Variants in TNFRSF25 observed in about 807,000 individuals in gnomAD.
TNFRSF25 encodes the protein tumor necrosis factor receptor superfamily member 25.
TNFRSF25 carries 28 observed loss-of-function variants against 49.4 expected under a neutral mutation model. The ratio of observed to expected loss-of-function variants is 0.57; its 90% CI spans 0.42 to 0.78. The LOEUF (loss-of-function observed/expected upper bound fraction) is 0.78, where lower values mean the gene tolerates loss of function less well. TNFRSF25 is among the 30% of genes least tolerant of loss of function. The probability of loss-of-function intolerance (pLI) is 0.00; values close to 1 mark genes in which losing one functional copy is unlikely to be tolerated. For missense variants in TNFRSF25, 531 were observed against 581.6 expected (o/e 0.91, Z 0.90); for synonymous variants, 240 against 234.2 (o/e 1.02, Z -0.23).
At chr1:6,465,871 G>T in intron 1 of TNFRSF25, 198 bp downstream of exon 1, 1 of 1,420,202 alleles carries the variant, frequency 7.0e-7, no homozygotes, top group Non-Finnish European at 9.2e-7. Flanking sequence ...TCTGCCTGGG[G>T]CCCCCAGACC....
In TNFRSF25 at chr1:6,462,711, C is replaced by G. The variant is rs777453140; in HGVS notation, c.707-45G>C. The G allele has an allele frequency of 6.2e-7, 1 of 1,607,670 alleles. No individual in the cohort carries two copies. The highest frequency in any genetic ancestry group is 1.1e-5 in the South Asian group (1 of 89,836). ...TGCGGTCAGCCACCAGGCAAGCCTCCTGGACCTGGGTGCTGGTACAGCTCC... is the reference window on the plus strand; with the variant it reads ...TGCGGTCAGCCACCAGGCAAGCCTCGTGGACCTGGGTGCTGGTACAGCTCC... On this transcript the variant is annotated intron_variant, in intron 7 of 9. Coordinates refer to ENST00000356876, the MANE Select transcript of TNFRSF25 (RefSeq NM_003790.3). The surrounding 1 kb of genome is among the most constrained non-coding windows in gnomAD (Gnocchi z 4.2).
chr1:6,464,938 C>G, intron 3 of TNFRSF25, 150 bp downstream of exon 3: 1 of 1,318,734 alleles, frequency 7.6e-7, no homozygotes, highest in Non-Finnish European at 1.0e-6. Context: ...AGAGAAGGGG[C>G]AAGGGCACCC....
At chr1:6,464,984 T>A (rs1011033285) in intron 3 of TNFRSF25, 104 bp downstream of exon 3, 108 of 1,484,046 alleles carry the variant, frequency 7.3e-5, no homozygotes, top group Non-Finnish European at 8.7e-5. Context: ...CTGGCAAGGG[T>A]GGGTGCAGGA....
At chr1:6,463,027 G>A (rs765819693) in intron 6 of TNFRSF25, 45 bp downstream of exon 6, 97 of 1,553,408 alleles carry the variant, frequency 6.2e-5, no homozygotes, top group Middle Eastern at 1.7e-4. Flanking sequence ...GCCTCCCCTC[G>A]GTCCATCCCA....
chr1:6,461,723 G>T lies in TNFRSF25; in HGVS notation c.965C>A (p.Ala322Asp). 1 of 1,552,244 alleles carries T rather than the reference G, an allele frequency of 6.4e-7. No homozygotes were observed. Among genetic ancestry groups the T allele is most frequent in the Non-Finnish European group, 8.7e-7 (1 of 1,154,922 alleles). Residue 322 changes from alanine (A) to aspartate (D), a missense_variant, in exon 10 of 10, where the codon GCC becomes GAC. Coordinates refer to ENST00000356876, the MANE Select transcript of TNFRSF25 (RefSeq NM_003790.3). This position sits in a 1 kb window ranked among gnomAD's most constrained non-coding sequence, Gnocchi z 6.3. ...CTGCAGCATCATGGCTGGCGAGCCG[G>T]CTGGGGACTCTGGCGAGAGTGTGGG... is the stretch of plus-strand genomic sequence containing the variant. ...AAPTLSPESPAGSPAMMLQPG... is the reference protein window; with the variant it reads ...AAPTLSPESPDGSPAMMLQPG...
Position 6,461,185 on chromosome 1 carries a change from A to G in TNFRSF25, c.*249T>C. On this transcript the variant is annotated 3_prime_UTR_variant, in exon 10 of 10. Coordinates refer to ENST00000356876, the MANE Select transcript of TNFRSF25 (RefSeq NM_003790.3). This position sits in a 1 kb window ranked among gnomAD's most constrained non-coding sequence, Gnocchi z 6.3. Reference sequence around the variant, plus strand: ...TGTTTTGTTTTCTTTCACAGATTTAATACCGCGATCTCAGCCAAACTCCGG... The same window carrying G: ...TGTTTTGTTTTCTTTCACAGATTTAGTACCGCGATCTCAGCCAAACTCCGG... 1 of 711,954 alleles carries G rather than the reference A, an allele frequency of 1.4e-6. No homozygotes were observed. Among genetic ancestry groups the G allele is most frequent in the Non-Finnish European group, 2.6e-6 (1 of 382,986 alleles). The allele number at this position is 711,954 out of a possible 1,614,324, so 44.1% of individuals were successfully genotyped here.
At position 6,464,079 on chromosome 1, in the gene TNFRSF25, T is replaced by C. The variant is rs1644260488; in HGVS notation, c.542+296A>G. ...TCCTTCAGCCCAAGTTTTAAAGCTA[T>C]ATCAATGTGACTCTCTGTGTAAGTG... On this transcript the variant is annotated intron_variant, in intron 5 of 9. Coordinates refer to ENST00000356876, the MANE Select transcript of TNFRSF25 (RefSeq NM_003790.3). 5.6e-6 allele frequency: 7 copies of C among 1,255,564 alleles called. No individual in the cohort carries two copies. In the Admixed American group the frequency reaches 1.1e-4, roughly 19 times the overall value. The allele number at this position is 1,255,564 out of a possible 1,614,324, so 77.8% of individuals were successfully genotyped here.
In TNFRSF25 at chr1:6,465,121, C is replaced by T. The variant is rs1186336767; in HGVS notation, c.262G>A (p.Glu88Lys). ...FLAWENHHNS[E>K]CARCQACDEQ... ...TCACAGGCCTGGCAGCGGGCACATT[C>T]AGAATTATGGTGGTTCTCCCAGGCC... The change falls in exon 3 of 10, where the codon GAA becomes AAA. Residue 88 changes from glutamate (E) to lysine (K), a missense_variant. By Grantham distance (56) the Glu-to-Lys change is moderately conservative (BLOSUM62 1). Transcript: ENST00000356876. 2 of 1,613,888 alleles carry T rather than the reference C, an allele frequency of 1.2e-6. No individual in the cohort carries two copies. Among genetic ancestry groups the T allele is most frequent in the Non-Finnish European group, 8.5e-7 (1 of 1,179,968 alleles).
At position 6,461,736 on chromosome 1, in the gene TNFRSF25, G is replaced by C. The variant is rs930755595; in HGVS notation, c.952C>G (p.Pro318Ala). Reference protein sequence around the residue: ...LGPAAAPTLSPESPAGSPAMM... With the variant: ...LGPAAAPTLSAESPAGSPAMM... Reference sequence around the variant, plus strand: ...GCTGGCGAGCCGGCTGGGGACTCTGGCGAGAGTGTGGGCGCAGCAGCGGGG... The same window carrying C: ...GCTGGCGAGCCGGCTGGGGACTCTGCCGAGAGTGTGGGCGCAGCAGCGGGG... Residue 318 changes from proline to alanine, a missense_variant, in exon 10 of 10, where the codon CCA becomes GCA. By Grantham distance (27) the Pro-to-Ala change is conservative. Transcript: ENST00000356876. This position sits in a 1 kb window ranked among gnomAD's most constrained non-coding sequence, Gnocchi z 6.3. 1 of 1,542,782 alleles carries C rather than the reference G, an allele frequency of 6.5e-7. No individual in the cohort carries two copies. Among genetic ancestry groups the C allele is most frequent in the African/African-American group, 1.4e-5 (1 of 73,380 alleles).
chr1:6,461,930 A>C lies in TNFRSF25; in HGVS notation c.925+64T>G. The C allele has an allele frequency of 6.5e-7, 1 of 1,538,928 alleles. No individual in the cohort carries two copies. Among genetic ancestry groups the C allele is most frequent in the Middle Eastern group, 1.8e-4 (1 of 5,544 alleles). The stretch of plus-strand genomic sequence containing the variant: ...GGGCAGAAAGGGAACACGTTGTGAA[A>C]CCACAACTTCCCACCGCAGACAGGA... On this transcript the variant is annotated intron_variant, in intron 9 of 9. Coordinates refer to ENST00000356876, the MANE Select transcript of TNFRSF25 (RefSeq NM_003790.3). The surrounding 1 kb of genome is among the most constrained non-coding windows in gnomAD (Gnocchi z 6.3).
intron 3 of TNFRSF25, 25 bp from the exon 4 acceptor site, chr1:6,464,744 G>A: frequency 6.2e-7 from 1 of 1,607,912 alleles, no homozygotes; most frequent in Non-Finnish European, 8.5e-7. Flanking sequence ...GGGAGATGGG[G>A]AGTGGAGAGT....
rs1213611586 is a variant in TNFRSF25 at position 6,462,244 on chromosome 1, C to CA, written c.745-71dup. 19 of 1,520,854 alleles carry CA rather than the reference C, an allele frequency of 1.2e-5. No individual in the cohort carries two copies. The East Asian group carries it at 3.9e-4, about 31-fold the overall frequency. The allele number at this position is 1,520,854 out of a possible 1,614,324, so 94.2% of individuals were successfully genotyped here. A position where few individuals can be genotyped will look rare whatever the true frequency, so the allele number is the denominator to read the frequency against. ...AGGCCCCTTACCCGCAGTGCCTCTCCAGGAGGGGACAGTCCCTGGTTCAGT... is the reference window on the plus strand; with the variant it reads ...AGGCCCCTTACCCGCAGTGCCTCTCCAAGGAGGGGACAGTCCCTGGTTCAGT... On this transcript the variant is annotated intron_variant, in intron 8 of 9. Coordinates refer to ENST00000356876, the MANE Select transcript of TNFRSF25 (RefSeq NM_003790.3). The surrounding 1 kb of genome is among the most constrained non-coding windows in gnomAD (Gnocchi z 4.2).
At chr1:6,464,278 C>T (rs1465436180) in intron 5 of TNFRSF25, 97 bp downstream of exon 5, 1 of 1,539,604 alleles carries the variant, frequency 6.5e-7, no homozygotes, top group African/African-American at 1.4e-5. Context: ...TCCCTATCCC[C>T]TCTTCCTATT....
intron 1 of TNFRSF25, chr1:6,465,811 GCCCCCA>G: frequency 7.0e-7 from 1 of 1,422,300 alleles, no homozygotes; most frequent in South Asian, 1.5e-5. Flanking sequence ...ATCCAGCAGC[GCCCCCA>G]CCCCCACCCA....
At chr1:6,464,352 A>G (rs377463608) in intron 5 of TNFRSF25, 23 bp downstream of exon 5, 17 of 1,592,898 alleles carry the variant, frequency 1.1e-5, no homozygotes, top group Non-Finnish European at 1.2e-5. Flanking sequence ...CCTTCCCTCC[A>G]TCCCACGACA....
chr1:6,461,293 G>C lies in TNFRSF25; in HGVS notation c.*141C>G. ...TTGGCTGGAGCGATAGGGGCGAGCA[G>C]GGGTGGGGCCGGCTGGTGCTGCTAC... On this transcript the variant is annotated 3_prime_UTR_variant, in exon 10 of 10. Transcript: ENST00000356876. This position sits in a 1 kb window ranked among gnomAD's most constrained non-coding sequence, Gnocchi z 6.3. 1 of 1,082,792 alleles carries C rather than the reference G, an allele frequency of 9.2e-7. No homozygotes were observed. Among genetic ancestry groups the C allele is most frequent in the South Asian group, 1.4e-5 (1 of 73,580 alleles). 67.1% of individuals were successfully genotyped at this position (1,082,792 alleles called of 1,614,324 possible).
Position 6,461,299 on chromosome 1 carries a change from G to T in TNFRSF25, c.*135C>A. 1.7e-6 allele frequency: 2 copies of T among 1,153,644 alleles called. No individual in the cohort carries two copies. The highest frequency in any genetic ancestry group is 2.5e-6 in the Non-Finnish European group (2 of 788,492). 71.5% of individuals were successfully genotyped at this position (1,153,644 alleles called of 1,614,324 possible). A position where few individuals can be genotyped will look rare whatever the true frequency, so the allele number is the denominator to read the frequency against. On this transcript the variant is annotated 3_prime_UTR_variant, in exon 10 of 10. Coordinates refer to ENST00000356876, the MANE Select transcript of TNFRSF25 (RefSeq NM_003790.3). This position sits in a 1 kb window ranked among gnomAD's most constrained non-coding sequence, Gnocchi z 6.3. ...GGAGCGATAGGGGCGAGCAGGGGTG[G>T]GGCCGGCTGGTGCTGCTACGCAGGG...
rs1447428439 is a variant in TNFRSF25 at position 6,462,726 on chromosome 1, G to A, written c.707-60C>T. The A allele has an allele frequency of 6.2e-7, 1 of 1,602,022 alleles. No individual in the cohort carries two copies. The highest frequency in any genetic ancestry group is 1.7e-5 in the Admixed American group (1 of 58,980). Reference sequence around the variant, plus strand: ...GGCAAGCCTCCTGGACCTGGGTGCTGGTACAGCTCCTCTAGGGTTCCTCTG... The same window carrying A: ...GGCAAGCCTCCTGGACCTGGGTGCTAGTACAGCTCCTCTAGGGTTCCTCTG... On this transcript the variant is annotated intron_variant, in intron 7 of 9. Coordinates refer to ENST00000356876, the MANE Select transcript of TNFRSF25 (RefSeq NM_003790.3). This position sits in a 1 kb window ranked among gnomAD's most constrained non-coding sequence, Gnocchi z 4.2.
chr1:6,462,789 C>G lies in TNFRSF25; in HGVS notation c.706+74G>C. 1 of 1,567,298 alleles carries G rather than the reference C, an allele frequency of 6.4e-7. No homozygotes were observed. Among genetic ancestry groups the G allele is most frequent in the Non-Finnish European group, 8.7e-7 (1 of 1,154,888 alleles). Reference sequence around the variant, plus strand: ...CCTGCCTCAGTTTCCCCTTCTGTATCAGGGTTGAGTAGACTCTGGGCTACC... The same window carrying G: ...CCTGCCTCAGTTTCCCCTTCTGTATGAGGGTTGAGTAGACTCTGGGCTACC... On this transcript the variant is annotated intron_variant, in intron 7 of 9. Transcript: ENST00000356876. This position sits in a 1 kb window ranked among gnomAD's most constrained non-coding sequence, Gnocchi z 4.2.
Sources: allele counts gnomAD v4.1 joint callset, GRCh38; gene constraint gnomAD v4.1.1; non-coding constraint Gnocchi (gnomAD v3.1); transcripts MANE v1.5; gene names NCBI Gene and HGNC (gene_info 2026-07-23, HGNC 2026-07-21).